The following LRMDA variants were observed in gnomAD, a reference collection of about 807,000 sequenced individuals.
The protein encoded by LRMDA is leucine rich melanocyte differentiation associated.
A neutral mutation model predicts 29.8 loss-of-function variants in LRMDA; 18 were observed. The ratio of observed to expected loss-of-function variants is 0.60; its 90% CI spans 0.42 to 0.90. The LOEUF (loss-of-function observed/expected upper bound fraction) is 0.90, where lower values mean the gene tolerates loss of function less well. Among genes scored for constraint, LRMDA ranks in the 40% least tolerant of loss-of-function variants. The pLI is 0.00. For missense variants in LRMDA, 273 were observed against 273.9 expected, an observed-to-expected ratio of 1.00 and a Z score of 0.02; for synonymous variants, 125 against 109.4, an observed-to-expected ratio of 1.14 and a Z score of -0.89.
intron 5 of LRMDA, among the ~76,000 whole-genome samples, chr10:76,314,467 T>TG (rs1160645392): frequency 2.0e-5 from 3 of 152,222 alleles, no homozygotes; most frequent in African/African-American, 7.2e-5. Context: ...AGCTCTCACT[T>TG]GCAGCATTTG....
chr10:76,351,919 G>T (rs12244635), intron 6 of LRMDA, among the ~76,000 whole-genome samples: 17,011 of 152,018 alleles, frequency 0.11, 1,563 homozygotes, highest in African/African-American at 0.25. Context: ...GTACCTCTAG[G>T]GGACAGAGTA....
At chr10:75,539,116 A>G (rs1323087312) in intron 2 of LRMDA, among the ~76,000 whole-genome samples, 2 of 152,224 alleles carry the variant, frequency 1.3e-5, no homozygotes, top group South Asian at 2.1e-4. Context: ...GTGTCCAACA[A>G]TGTAAGGCAT....
intron 2 of LRMDA, among the ~76,000 whole-genome samples, chr10:75,965,130 C>G (rs1039510972): frequency 6.6e-6 from 1 of 152,148 alleles, no homozygotes; most frequent in Non-Finnish European, 1.5e-5. Context: ...CTCTTTAAGC[C>G]TCAGTTTCCT....
At chr10:76,521,982 A>G (rs1843126282) in intron 6 of LRMDA, among the ~76,000 whole-genome samples, 1 of 152,152 alleles carries the variant, frequency 6.6e-6, no homozygotes. Context: ...CCTTCACAAA[A>G]TTCCTTTTTG....
chr10:75,844,655 C>T (rs1198968144), intron 2 of LRMDA, among the ~76,000 whole-genome samples: 1 of 152,154 alleles, frequency 6.6e-6, no homozygotes, highest in East Asian at 1.9e-4. Context: ...TCAATAAAAA[C>T]ATGTCAAGAC....
intron 5 of LRMDA, among the ~76,000 whole-genome samples, chr10:76,316,863 G>T (rs1025513405): frequency 2.0e-5 from 3 of 152,170 alleles, no homozygotes; most frequent in African/African-American, 7.2e-5. Flanking sequence ...TTTGTAGATA[G>T]GATATTCTGC....
chr10:76,065,589 G>A (rs960355926), intron 5 of LRMDA, among the ~76,000 whole-genome samples: 1 of 152,220 alleles, frequency 6.6e-6, no homozygotes, highest in Non-Finnish European at 1.5e-5. Flanking sequence ...TTAGATGGAT[G>A]TATCAAGAGG....
intron 6 of LRMDA, among the ~76,000 whole-genome samples, chr10:76,486,209 C>T (rs370891118): frequency 5.9e-5 from 9 of 151,960 alleles, no homozygotes; most frequent in Middle Eastern, 3.4e-3. Context: ...TTTTTAAAGC[C>T]GGCAATCCAC....
chr10:76,376,804 A>G (rs988443229), intron 6 of LRMDA, among the ~76,000 whole-genome samples: 5 of 116,306 alleles, frequency 4.3e-5, no homozygotes, highest in Non-Finnish European at 8.8e-5. Context: ...TTTAATTTAC[A>G]TTTCTCTGAT....
At chr10:75,818,206 A>G (rs996497603) in intron 2 of LRMDA, among the ~76,000 whole-genome samples, 2 of 152,162 alleles carry the variant, frequency 1.3e-5, no homozygotes, top group African/African-American at 4.8e-5. Context: ...GTTAGAGAGG[A>G]AGGCAGGCTT....
At chr10:75,665,241 A>G (rs1408840388) in intron 2 of LRMDA, among the ~76,000 whole-genome samples, 2 of 152,190 alleles carry the variant, frequency 1.3e-5, no homozygotes, top group African/African-American at 4.8e-5. Context: ...ATTTGAAGTG[A>G]CTTTTCAGAT....
intron 2 of LRMDA, among the ~76,000 whole-genome samples, chr10:75,843,800 A>G (rs1361153139): frequency 6.6e-6 from 1 of 152,206 alleles, no homozygotes; most frequent in Non-Finnish European, 1.5e-5. Flanking sequence ...TGAAAAGGTA[A>G]ATAGCAACAC....
intron 6 of LRMDA, among the ~76,000 whole-genome samples, chr10:76,545,164 T>G (rs945754198): frequency 8.8e-6 from 1 of 114,282 alleles, no homozygotes; most frequent in Admixed American, 1.1e-4. Flanking sequence ...GGTTTCTTTT[T>G]TTTTGTTTTT....
intron 2 of LRMDA, among the ~76,000 whole-genome samples, chr10:75,521,894 A>G (rs1321446942): frequency 6.6e-6 from 1 of 152,244 alleles, no homozygotes. Flanking sequence ...AAGGAAAGCT[A>G]GAAGGATCAC....
At chr10:76,245,887 A>C (rs1384043587) in intron 5 of LRMDA, among the ~76,000 whole-genome samples, 1 of 152,222 alleles carries the variant, frequency 6.6e-6, no homozygotes, top group Non-Finnish European at 1.5e-5. Context: ...AATTAGACAA[A>C]TAAAACTAAC....
Position 75,862,178 on chromosome 10 carries a change from T to TCACACACACACA in LRMDA, c.132-173808_132-173797dup, listed in dbSNP as rs3042514. Among the ~76,000 whole-genome samples the TCACACACACACA allele has an allele frequency of 6.6e-3, 974 of 147,658 alleles. 6 individuals carry two copies. Among genetic ancestry groups the TCACACACACACA allele is most frequent in the Non-Finnish European group, 0.011 (738 of 66,684 alleles). ...GCAATAGATAATCAAAACCTTGGGT[T>TCACACACACACA]CACACACACACACACACACACACAC... is the stretch of plus-strand genomic sequence containing the variant. On this transcript the variant is annotated intron_variant, in intron 2 of 6. Coordinates refer to ENST00000611255, the MANE Select transcript of LRMDA (RefSeq NM_001305581.2).
intron 2 of LRMDA, among the ~76,000 whole-genome samples, chr10:75,485,201 A>G (rs1844896668): frequency 6.6e-6 from 1 of 152,166 alleles, no homozygotes; most frequent in Non-Finnish European, 1.5e-5. Context: ...GATAACATCC[A>G]GTTTATCCAG....
chr10:75,898,653 A>G (rs528438368), intron 2 of LRMDA, among the ~76,000 whole-genome samples: 8 of 152,326 alleles, frequency 5.3e-5, no homozygotes, highest in Admixed American at 2.6e-4. Flanking sequence ...AAAACAAGAA[A>G]AAAAAAGAGT....
rs183948480 is a variant in LRMDA, at chr10:76,337,537, C to T, written c.601+13052C>T. ...CAAGTGCAAGGCCCTGAGGTGGGAGCGTGCTCCTGGCATACATGAAGCACA... is the reference window on the plus strand; with the variant it reads ...CAAGTGCAAGGCCCTGAGGTGGGAGTGTGCTCCTGGCATACATGAAGCACA... On this transcript the variant is annotated intron_variant, in intron 6 of 6. Transcript: ENST00000611255. Among the ~76,000 whole-genome samples the T allele has an allele frequency of 1.9e-3, 296 of 152,176 alleles. 1 individual carries two copies. The highest frequency in any genetic ancestry group is 6.8e-3 in the Middle Eastern group (2 of 294).
Sources: allele counts gnomAD v4.1 joint callset (sites outside exome capture counted in the v4.1 genomes callset), GRCh38; gene constraint gnomAD v4.1.1; transcripts MANE v1.5; gene names NCBI Gene and HGNC (gene_info 2026-07-23, HGNC 2026-07-21).